The following ARHGAP29 variants were observed in gnomAD, a reference collection of about 807,000 sequenced individuals.
ARHGAP29 encodes rho GTPase-activating protein 29.
In ARHGAP29, 43 loss-of-function variants were observed where a neutral mutation model predicts 122.6. That is an observed-to-expected ratio of 0.35 (90% CI 0.27 to 0.45). The LOEUF is 0.45. ARHGAP29 is among the 20% of genes least tolerant of loss of function. The pLI is 1.00. For synonymous variants in ARHGAP29, 506 were observed against 497.1 expected (o/e 1.02, Z -0.24); for missense variants, 1,303 against 1,477.2 (o/e 0.88, Z 1.93).
rs757039277 is a variant in ARHGAP29, at chr1:94,174,021, C to T, written c.3634G>A (p.Ala1212Thr). 1.7e-5 allele frequency: 27 copies of T among 1,614,082 alleles called. No homozygotes were observed. In the East Asian group the frequency reaches 4.7e-4, roughly 28 times the overall value. Residue 1212 changes from alanine (A) to threonine (T), a missense_variant, in exon 23 of 23, where the codon GCA becomes ACA. Physicochemically the swap from Ala to Thr is moderately conservative, Grantham distance 58. Transcript: ENST00000260526. ...GTTGCTTGCCCAGGACAAGCTGATG[C>T]TTTGTCTGGGTCTGGCATTGACTTC... ...VVKSMPDPDK[A>T]SACPGQATGQ...
chr1:94,283,477 AT>A, the ARHGAP29 span, among the ~76,000 whole-genome samples: 1 of 152,204 alleles, frequency 6.6e-6, no homozygotes, highest in Non-Finnish European at 1.5e-5. Context: ...TTCAATAATT[AT>A]TTTTTAAAAA....
intron 1 of ARHGAP29, among the ~76,000 whole-genome samples, chr1:94,269,522 A>G (rs1654908036): frequency 6.6e-6 from 1 of 152,172 alleles, no homozygotes; most frequent in Admixed American, 6.5e-5. Flanking sequence ...CTGAGATGGT[A>G]ATTGCTTGTG....
At chr1:94,213,924 C>T (rs1651806170) in intron 3 of ARHGAP29, among the ~76,000 whole-genome samples, 1 of 152,256 alleles carries the variant, frequency 6.6e-6, no homozygotes, top group South Asian at 2.1e-4. Flanking sequence ...AATTAGATGT[C>T]TTTTTTCTTC....
the ARHGAP29 span, among the ~76,000 whole-genome samples, chr1:94,308,320 C>T: frequency 2.0e-5 from 3 of 152,106 alleles, no homozygotes; most frequent in African/African-American, 7.2e-5. Flanking sequence ...TCAATTTACC[C>T]CCCTTCCCCA....
At chr1:94,187,063 C>T (rs921763683) in intron 15 of ARHGAP29, among the ~76,000 whole-genome samples, 1 of 152,148 alleles carries the variant, frequency 6.6e-6, no homozygotes, top group Non-Finnish European at 1.5e-5. Context: ...CCAACAGTAA[C>T]ATCACATTTA....
In ARHGAP29 at chr1:94,202,524, A is replaced by G. The variant is rs1411059550; in HGVS notation, c.1143+20T>C. On this transcript the variant is annotated intron_variant, in intron 11 of 22. Coordinates refer to ENST00000260526, the MANE Select transcript of ARHGAP29 (RefSeq NM_004815.4). ...TTACCGCTAATTCAACTTGCAAATA[A>G]AAAAGAAAAAGATCGTTACTTTTTG... is the stretch of plus-strand genomic sequence containing the variant. 5 of 1,611,440 alleles carry G rather than the reference A, an allele frequency of 3.1e-6. No homozygotes were observed. Among genetic ancestry groups the G allele is most frequent in the Non-Finnish European group, 2.5e-6 (3 of 1,179,464 alleles).
intron 12 of ARHGAP29, 179 bp from the exon 13 acceptor site, chr1:94,190,262 G>C: frequency 5.2e-6 from 3 of 574,906 alleles, no homozygotes; most frequent in Non-Finnish European, 8.3e-6. Flanking sequence ...AGGGAGAAAA[G>C]CAGTTTGAAT....
chr1:94,224,523 A>C (rs2101595861), intron 2 of ARHGAP29, among the ~76,000 whole-genome samples: 1 of 152,324 alleles, frequency 6.6e-6, no homozygotes, highest in Non-Finnish European at 1.5e-5. Context: ...CTCAGAGTCA[A>C]GGAAATTAAA....
At chr1:94,185,558 C>A (rs767185708) in intron 16 of ARHGAP29, 77 bp from the exon 17 acceptor site, 21 of 1,250,372 alleles carry the variant, frequency 1.7e-5, no homozygotes, top group Non-Finnish European at 2.1e-5. Context: ...TTTGAATAAT[C>A]TTTAAACCCT....
chr1:94,287,324 A>G, the ARHGAP29 span, among the ~76,000 whole-genome samples: 3 of 152,004 alleles, frequency 2.0e-5, no homozygotes, highest in African/African-American at 7.3e-5. Flanking sequence ...CATGATAGTG[A>G]GTAACTTCTC....
At chr1:94,237,146 G>A (rs1018741536) in intron 1 of ARHGAP29, among the ~76,000 whole-genome samples, 1 of 152,168 alleles carries the variant, frequency 6.6e-6, no homozygotes, top group Admixed American at 6.5e-5. Flanking sequence ...GATCGTCACC[G>A]TCTGCTCCCG....
chr1:94,212,434 C>A (rs868583040), intron 3 of ARHGAP29, among the ~76,000 whole-genome samples: 2 of 152,068 alleles, frequency 1.3e-5, no homozygotes, highest in Non-Finnish European at 2.9e-5. Context: ...CTCAATAAAG[C>A]TGTTTATAAA....
chr1:94,221,684 T>C (rs1284834962), intron 2 of ARHGAP29, among the ~76,000 whole-genome samples: 1 of 151,010 alleles, frequency 6.6e-6, no homozygotes, highest in Non-Finnish European at 1.5e-5. Flanking sequence ...TATATGTATA[T>C]ATAAATATAT....
intron 3 of ARHGAP29, among the ~76,000 whole-genome samples, chr1:94,216,087 G>A (rs1651941046): frequency 6.6e-6 from 1 of 152,134 alleles, no homozygotes; most frequent in African/African-American, 2.4e-5. Flanking sequence ...ACTGCTATCA[G>A]AAGGGCAGAA....
chr1:94,235,653 C>T (rs1999271), intron 1 of ARHGAP29, among the ~76,000 whole-genome samples: 134,496 of 152,224 alleles, frequency 0.88, 59,632 homozygotes, highest in Non-Finnish European at 0.92. Flanking sequence ...TAGACTTGTG[C>T]AAAATATTTT....
Position 94,172,023 on chromosome 1 carries a change from T to C in ARHGAP29, c.*1846A>G, listed in dbSNP as rs913098294. ...TATGTGTATTTTACCACAATAAAAA[T>C]TTTTTAAAGTTGCATTTTCTATTGT... On this transcript the variant is annotated 3_prime_UTR_variant, in exon 23 of 23. Transcript: ENST00000260526. 1 of 152,186 alleles carries C rather than the reference T, an allele frequency of 6.6e-6. No homozygotes were observed. The highest frequency in any genetic ancestry group is 6.5e-5 in the Admixed American group (1 of 15,268). 9.4% of individuals were successfully genotyped at this position (152,186 alleles called of 1,614,324 possible).
the ARHGAP29 span, among the ~76,000 whole-genome samples, chr1:94,314,147 T>C: frequency 6.6e-6 from 1 of 152,342 alleles, no homozygotes; most frequent in African/African-American, 2.4e-5. Flanking sequence ...ATCTCCCCAC[T>C]GGAAGGTAAC....
chr1:94,284,936 G>A, the ARHGAP29 span, among the ~76,000 whole-genome samples: 2 of 152,170 alleles, frequency 1.3e-5, no homozygotes, highest in Non-Finnish European at 2.9e-5. Context: ...GATGTGATCC[G>A]ATCCACATAA....
rs559908965 is a variant in ARHGAP29, at chr1:94,190,038, G to C, written c.1327C>G (p.Leu443Val). The change falls in exon 13 of 23, where the codon CTT becomes GTT. Residue 443 changes from leucine (L) to valine (V), a missense_variant. Around this residue, in one of 3 missense-constraint regions of ARHGAP29, gnomAD observed 592 missense variants for 648.2 expected, o/e 0.91. Coordinates refer to ENST00000260526, the MANE Select transcript of ARHGAP29 (RefSeq NM_004815.4). ...CAGAGAGACTGTAAACTGTCTGCAA[G>C]GGAAGCAGCCTGCAGATGCTGCATG... ...FHMQHLQAAS[L>V]ADSLQSLCDS... 1 of 1,613,414 alleles carries C rather than the reference G, an allele frequency of 6.2e-7. No individual in the cohort carries two copies. The highest frequency in any genetic ancestry group is 1.1e-5 in the South Asian group (1 of 91,048).
Sources: gnomAD v4.1 joint callset for allele counts (sites outside exome capture counted in the v4.1 genomes callset) on GRCh38, gnomAD v4.1.1 for gene constraint, gnomAD v4.1.1 regional missense constraint, MANE v1.5 for transcripts, NCBI Gene and HGNC (gene_info 2026-07-23, HGNC 2026-07-21) for gene names.